RGS6: variants seen among roughly 807,000 people sequenced by gnomAD.
The protein encoded by RGS6 is regulator of G-protein signaling 6.
RGS6 carries 30 observed loss-of-function variants against 78.5 expected under a neutral mutation model. The observed-to-expected ratio is 0.38, with a 90% CI of 0.29 to 0.52. The LOEUF (loss-of-function observed/expected upper bound fraction) is 0.52. Ranked by LOEUF, RGS6 falls within the 20% of genes least tolerant of loss-of-function variation. The pLI is 0.85. For synonymous variants in RGS6, 206 were observed against 206.0 expected (o/e 1.00, Z 0.00); for missense variants, 495 against 609.7 (o/e 0.81, Z 1.98).
intron 3 of RGS6, among the ~76,000 whole-genome samples, chr14:72,411,141 A>G (rs1296482352): frequency 1.3e-5 from 2 of 152,136 alleles, no homozygotes; most frequent in African/African-American, 4.8e-5. Context: ...TTGGCATTGA[A>G]TCTATAAATC....
At chr14:72,041,128 T>A (rs1179087713) in intron 2 of RGS6, among the ~76,000 whole-genome samples, 1 of 151,384 alleles carries the variant, frequency 6.6e-6, no homozygotes, top group Non-Finnish European at 1.5e-5. Context: ...TGGGCCATGT[T>A]CCCCTGATTC....
chr14:72,178,456 G>A (rs2097134378), intron 2 of RGS6, among the ~76,000 whole-genome samples: 1 of 152,202 alleles, frequency 6.6e-6, no homozygotes, highest in Admixed American at 6.5e-5. Context: ...TTGAGTTCCA[G>A]TTCGCTCTTT....
At chr14:72,052,986 TCTCTCTCTCTCTCTCTCTCTTTCTTTCC>T (rs1567106182) in intron 2 of RGS6, among the ~76,000 whole-genome samples, 22 of 61,852 alleles carry the variant, frequency 3.6e-4, no homozygotes, top group East Asian at 1.1e-3. Context: ...TCTTTCTTTC[TCTCTCTCTCTCTCTCTCTCTTTCTTTCC>T]TTCTTTCTTT....
At chr14:72,628,108 C>T in the RGS6 span, among the ~76,000 whole-genome samples, 1 of 152,012 alleles carries the variant, frequency 6.6e-6, no homozygotes, top group Non-Finnish European at 1.5e-5. Flanking sequence ...ATTAAATTCT[C>T]CTGTCTAATT....
chr14:72,007,395 C>T (rs1179812695), intron 2 of RGS6, among the ~76,000 whole-genome samples: 1 of 152,090 alleles, frequency 6.6e-6, no homozygotes, highest in African/African-American at 2.4e-5. Context: ...TTCTTAACAT[C>T]TCAGTAAACA....
chr14:72,541,496 T>C, intron 17 of RGS6: 3 of 1,535,684 alleles, frequency 2.0e-6, no homozygotes, highest in Non-Finnish European at 2.6e-6. Flanking sequence ...GGCCTGCGGG[T>C]GCCTGGTCTA....
At chr14:72,423,489 C>T (rs1257550167) in intron 3 of RGS6, among the ~76,000 whole-genome samples, 1 of 152,108 alleles carries the variant, frequency 6.6e-6, no homozygotes, top group African/African-American at 2.4e-5. Flanking sequence ...TACTACACAG[C>T]CATGAAAAGG....
intron 2 of RGS6, among the ~76,000 whole-genome samples, chr14:72,209,258 C>T (rs1456366816): frequency 3.9e-5 from 6 of 152,060 alleles, no homozygotes; most frequent in East Asian, 1.9e-4. Context: ...ATAATATATG[C>T]GTACGTTTAG....
intron 2 of RGS6, among the ~76,000 whole-genome samples, chr14:72,324,277 C>A (rs2073055714): frequency 6.6e-6 from 1 of 151,970 alleles, no homozygotes; most frequent in Non-Finnish European, 1.5e-5. Flanking sequence ...AACTGAATAC[C>A]TCTTTAGAAA....
At chr14:71,935,598 G>A (rs1282860832) in intron 1 of RGS6, among the ~76,000 whole-genome samples, 1 of 152,028 alleles carries the variant, frequency 6.6e-6, no homozygotes, top group East Asian at 1.9e-4. Context: ...TGCACTTTGG[G>A]CTGGTAATGC....
the RGS6 span, among the ~76,000 whole-genome samples, chr14:71,892,533 G>A: frequency 2.7e-4 from 41 of 152,340 alleles, no homozygotes; most frequent in Admixed American, 2.5e-3. Flanking sequence ...GGATGCAAGA[G>A]TTGTTTTGTC....
chr14:72,221,004 C>T (rs1182841435), intron 2 of RGS6, among the ~76,000 whole-genome samples: 3 of 152,144 alleles, frequency 2.0e-5, no homozygotes, highest in African/African-American at 7.2e-5. Context: ...CTCTGAAGGA[C>T]ACAAACCTGT....
At chr14:72,549,049 A>G (rs1487973449) in intron 17 of RGS6, among the ~76,000 whole-genome samples, 2 of 152,190 alleles carry the variant, frequency 1.3e-5, no homozygotes, top group East Asian at 1.9e-4. Context: ...TGGTTTATAA[A>G]TAAGTCCTGG....
intron 3 of RGS6, among the ~76,000 whole-genome samples, chr14:72,428,605 A>G (rs1203475617): frequency 6.6e-6 from 1 of 152,186 alleles, no homozygotes; most frequent in East Asian, 1.9e-4. Context: ...TCAATGGTCA[A>G]ATAACTTCTG....
rs891785353 is a variant in RGS6, at chr14:72,221,670, C to T, written c.85-130425C>T. On this transcript the variant is annotated intron_variant, in intron 2 of 17. Transcript: ENST00000553525. Reference sequence around the variant, plus strand: ...ATTGATACATTCAGCCAAACACAATCATCAGCAGTGATGATGCAAAAATGT... The same window carrying T: ...ATTGATACATTCAGCCAAACACAATTATCAGCAGTGATGATGCAAAAATGT... Among the ~76,000 whole-genome samples, 20 of 152,162 alleles carry T rather than the reference C, an allele frequency of 1.3e-4. 1 individual carries two copies. The highest frequency in any genetic ancestry group is 1.3e-3 in the Admixed American group (20 of 15,282).
At chr14:72,524,278 C>G (rs972415306) in intron 15 of RGS6, among the ~76,000 whole-genome samples, 1 of 152,200 alleles carries the variant, frequency 6.6e-6, no homozygotes, top group Admixed American at 6.5e-5. Context: ...ATCCTGAAGA[C>G]AGTAGCAAAG....
At chr14:72,371,262 C>T (rs1328607979) in intron 3 of RGS6, among the ~76,000 whole-genome samples, 1 of 152,172 alleles carries the variant, frequency 6.6e-6, no homozygotes, top group African/African-American at 2.4e-5. Context: ...ATCTCTGATG[C>T]TCCTGGCCTT....
At chr14:71,901,618 G>T in the RGS6 span, among the ~76,000 whole-genome samples, 1 of 151,968 alleles carries the variant, frequency 6.6e-6, no homozygotes, top group African/African-American at 2.4e-5. Flanking sequence ...ATGGCTCCCC[G>T]TTGACATCCC....
intron 2 of RGS6, among the ~76,000 whole-genome samples, chr14:72,342,555 G>T (rs1161911192): frequency 2.3e-5 from 3 of 131,356 alleles, no homozygotes; most frequent in Admixed American, 7.9e-5. Flanking sequence ...GTGAGACTGA[G>T]ACTCTGTCTT....
Sources: gnomAD v4.1 joint callset for allele counts (sites outside exome capture counted in the v4.1 genomes callset) on GRCh38, gnomAD v4.1.1 for gene constraint, MANE v1.5 for transcripts, NCBI Gene and HGNC (gene_info 2026-07-23, HGNC 2026-07-21) for gene names.